ARID1B: variants seen among roughly 807,000 people sequenced by gnomAD.
ARID1B encodes AT-rich interaction domain 1B, also known as AT-rich interactive domain-containing protein 1B.
ARID1B carries 30 observed loss-of-function variants against 212.3 expected under a neutral mutation model. The ratio of observed to expected loss-of-function variants is 0.14; its 90% CI spans 0.11 to 0.19. The LOEUF is 0.19. ARID1B is among the 10% of genes least tolerant of loss of function. The pLI is 1.00. For missense variants in ARID1B, 2,891 were observed against 3,204.0 expected (o/e 0.90, Z 2.36); for synonymous variants, 1,402 against 1,301.7 (o/e 1.08, Z -1.66).
intron 8 of ARID1B, among the ~76,000 whole-genome samples, chr6:157,163,077 C>T (rs1179772702): frequency 6.6e-6 from 1 of 152,126 alleles, no homozygotes; most frequent in African/African-American, 2.4e-5. Flanking sequence ...ATGTTTTTGC[C>T]TGTTTTTGTT....
chr6:157,149,585 T>A (rs1790056120), intron 8 of ARID1B: 1 of 152,250 alleles, frequency 6.6e-6, no homozygotes, highest in Non-Finnish European at 1.5e-5. Context: ...CTACAATTAC[T>A]TACTCATTTT....
intron 11 of ARID1B, among the ~76,000 whole-genome samples, chr6:157,176,097 A>T (rs1792081664): frequency 6.6e-6 from 1 of 152,244 alleles, no homozygotes; most frequent in African/African-American, 2.4e-5. Context: ...TGGTTGTTCT[A>T]GTAAATGTTT....
At chr6:156,833,554 A>G (rs62435817) in intron 2 of ARID1B, among the ~76,000 whole-genome samples, 10,024 of 152,226 alleles carry the variant, frequency 0.066, 368 homozygotes, top group Middle Eastern at 0.12. Flanking sequence ...AAAAAAGCAA[A>G]ATGAGAGATT....
upstream of ARID1B, chr6:156,777,147 G>T: frequency 6.6e-6 from 1 of 152,504 alleles, no homozygotes; most frequent in South Asian, 1.9e-4. Flanking sequence ...AGCGGCCCGG[G>T]GGGAAAGTGC....
intron 5 of ARID1B, among the ~76,000 whole-genome samples, chr6:157,098,986 C>A (rs6935652): frequency 6.6e-6 from 1 of 151,956 alleles, no homozygotes; most frequent in Non-Finnish European, 1.5e-5. Context: ...TTTTTTGAGA[C>A]GGAGTCTCGC....
At chr6:157,186,581 C>G in intron 13 of ARID1B, 1 of 466,850 alleles carries the variant, frequency 2.1e-6, no homozygotes, top group Non-Finnish European at 4.5e-6. Context: ...TGTCTGGAAA[C>G]ATTTTTGTTG....
At chr6:156,811,870 A>G (rs1343872885) in intron 1 of ARID1B, among the ~76,000 whole-genome samples, 2 of 152,210 alleles carry the variant, frequency 1.3e-5, no homozygotes, top group African/African-American at 2.4e-5. Flanking sequence ...CTCAAGGGAT[A>G]TCAGTTGGGG....
At chr6:157,093,483 G>C (rs1024957866) in intron 5 of ARID1B, among the ~76,000 whole-genome samples, 2 of 152,176 alleles carry the variant, frequency 1.3e-5, no homozygotes, top group African/African-American at 4.8e-5. Context: ...GGGTGATATG[G>C]GTTGTCATTG....
chr6:157,118,017 G>T (rs1024522439), intron 6 of ARID1B, among the ~76,000 whole-genome samples: 18 of 152,130 alleles, frequency 1.2e-4, no homozygotes, highest in Non-Finnish European at 1.5e-5. Flanking sequence ...TGACCCAGGG[G>T]CATTTAGATA....
intron 2 of ARID1B, among the ~76,000 whole-genome samples, chr6:156,860,758 T>C (rs1020771197): frequency 6.6e-6 from 1 of 152,226 alleles, no homozygotes; most frequent in Non-Finnish European, 1.5e-5. Context: ...TAATAGATTT[T>C]TGAGGAACAG....
At chr6:157,001,153 GC>G (rs1778890345) in intron 4 of ARID1B, among the ~76,000 whole-genome samples, 2 of 152,324 alleles carry the variant, frequency 1.3e-5, no homozygotes, top group Non-Finnish European at 2.9e-5. Flanking sequence ...AAGGCATGCA[GC>G]AAGGAAACGG....
Position 156,955,078 on chromosome 6 carries a change from T to C in ARID1B, c.2247+19502T>C, listed in dbSNP as rs928350570. Among the ~76,000 whole-genome samples, 1 of 152,208 alleles carries C rather than the reference T, an allele frequency of 6.6e-6. No individual in the cohort carries two copies. Among genetic ancestry groups the C allele is most frequent in the Non-Finnish European group, 1.5e-5 (1 of 68,036 alleles). ...GATGGGAGCTGCTCTGAAGGATACG[T>C]CTCATCCATCCTGCACCTGAGCTCA... On this transcript the variant is annotated intron_variant, in intron 4 of 19. Coordinates refer to ENST00000636930, the MANE Select transcript of ARID1B (RefSeq NM_001374828.1). This position sits in a 1 kb window ranked among gnomAD's most constrained non-coding sequence, Gnocchi z 4.2.
At chr6:156,928,454 A>T (rs887300935) in intron 3 of ARID1B, among the ~76,000 whole-genome samples, 2 of 152,066 alleles carry the variant, frequency 1.3e-5, no homozygotes, top group Non-Finnish European at 2.9e-5. Context: ...GGCCCAAGGG[A>T]GAAGGAACAG....
At position 157,160,390 on chromosome 6, in the gene ARID1B, C is replaced by G. The variant is rs550701437; in HGVS notation, c.3090-6650C>G. On this transcript the variant is annotated intron_variant, in intron 8 of 19. Coordinates refer to ENST00000636930, the MANE Select transcript of ARID1B (RefSeq NM_001374828.1). ...ACACCTAGGAGACAGCTAGGCACAA[C>G]TTTTCTTTTCCCCAGAGGACCTAAT... Among the ~76,000 whole-genome samples the G allele has an allele frequency of 6.3e-4, 96 of 152,334 alleles. 3 individuals carry two copies. The South Asian group carries it at 0.02, about 31-fold the overall frequency.
intron 1 of ARID1B, among the ~76,000 whole-genome samples, chr6:156,796,499 G>T (rs1024070626): frequency 6.7e-6 from 1 of 149,948 alleles, no homozygotes; most frequent in Admixed American, 6.7e-5. Context: ...GGTATCTTTT[G>T]CCTAGAAAGC....
At chr6:156,858,728 C>T (rs1785116657) in intron 2 of ARID1B, among the ~76,000 whole-genome samples, 1 of 152,138 alleles carries the variant, frequency 6.6e-6, no homozygotes, top group African/African-American at 2.4e-5. Flanking sequence ...AAGATCCCAC[C>T]ATTGCACTCC....
At chr6:156,872,517 C>T (rs1324398410) in intron 2 of ARID1B, among the ~76,000 whole-genome samples, 3 of 152,042 alleles carry the variant, frequency 2.0e-5, no homozygotes, top group African/African-American at 4.8e-5. Context: ...GATGGGGTTT[C>T]GTCATGTTGG....
Position 156,778,692 on chromosome 6 carries a change from C to A in ARID1B, c.1012C>A (p.His338Asn). 1 of 1,516,450 alleles carries A rather than the reference C, an allele frequency of 6.6e-7. No homozygotes were observed. Among genetic ancestry groups the A allele is most frequent in the Non-Finnish European group, 8.8e-7 (1 of 1,130,816 alleles). 93.9% of individuals were successfully genotyped at this position (1,516,450 alleles called of 1,614,324 possible). A position where few individuals can be genotyped will look rare whatever the true frequency, so the allele number is the denominator to read the frequency against. ...GGRAGPCFDQ[H>N]GGQQSPGMGM... ...CCGCGCTGGGCCTTGCTTTGATCAA[C>A]ATGGCGGACAACAAAGCCCCGGGAT... The change falls in exon 1 of 20, where the codon CAT (histidine) becomes AAT (asparagine). Residue 338 changes from histidine to asparagine, a missense_variant. His to Asn is a moderately conservative substitution (Grantham distance 68, BLOSUM62 1). Coordinates refer to ENST00000636930, the MANE Select transcript of ARID1B (RefSeq NM_001374828.1).
chr6:157,037,264 C>T (rs752229159), intron 4 of ARID1B, among the ~76,000 whole-genome samples: 4 of 152,160 alleles, frequency 2.6e-5, no homozygotes, highest in African/African-American at 7.2e-5. Context: ...TAAACGTCCC[C>T]GCTTCAGACA....
Sources: allele counts gnomAD v4.1 joint callset (sites outside exome capture counted in the v4.1 genomes callset), GRCh38; gene constraint gnomAD v4.1.1; non-coding constraint Gnocchi (gnomAD v3.1); transcripts MANE v1.5; gene names NCBI Gene and HGNC (gene_info 2026-07-23, HGNC 2026-07-21).